PARD6G: variants seen among roughly 807,000 people sequenced by gnomAD.
The protein encoded by PARD6G is partitioning defective 6 homolog gamma.
A neutral mutation model predicts 10.7 loss-of-function variants in PARD6G; 7 were observed. The ratio of observed to expected loss-of-function variants is 0.66; its 90% CI spans 0.37 to 1.23. The LOEUF (loss-of-function observed/expected upper bound fraction) is 1.23, where lower values mean the gene tolerates loss of function less well. Ranked by LOEUF, PARD6G falls within the 50% of genes most tolerant of loss-of-function variation. PARD6G has a pLI of 0.02. For synonymous variants in PARD6G, 287 were observed against 269.4 expected, an observed-to-expected ratio of 1.07 and a Z score of -0.64; for missense variants, 548 against 571.8, an observed-to-expected ratio of 0.96 and a Z score of 0.42.
At chr18:80,236,953 C>G (rs1010991261) in intron 1 of PARD6G, among the ~76,000 whole-genome samples, 2 of 152,200 alleles carry the variant, frequency 1.3e-5, no homozygotes, top group Admixed American at 6.5e-5. Flanking sequence ...CAATGCCATC[C>G]CCATCAAGCT....
chr18:80,164,411 A>G (rs543064370), intron 2 of PARD6G, among the ~76,000 whole-genome samples: 70 of 152,218 alleles, frequency 4.6e-4, no homozygotes, highest in Non-Finnish European at 9.1e-4. Flanking sequence ...TGTGCTCTCC[A>G]TGTGTCTAAA....
chr18:80,221,691 G>C (rs989927574), intron 1 of PARD6G, among the ~76,000 whole-genome samples: 1 of 152,084 alleles, frequency 6.6e-6, no homozygotes, highest in African/African-American at 2.4e-5. Context: ...CTGTACTGTA[G>C]TTTCGACCCA....
intron 1 of PARD6G, among the ~76,000 whole-genome samples, chr18:80,219,480 G>A (rs544326172): frequency 1.3e-5 from 2 of 152,340 alleles, no homozygotes; most frequent in South Asian, 2.1e-4. Flanking sequence ...AAAGTGCTGG[G>A]ATTACAGGCG....
At chr18:80,245,321 C>T (rs1293366657) in intron 1 of PARD6G, among the ~76,000 whole-genome samples, 1 of 152,176 alleles carries the variant, frequency 6.6e-6, no homozygotes, top group Non-Finnish European at 1.5e-5. Context: ...CAAATGAGCA[C>T]AGAAGTGAGT....
In PARD6G at chr18:80,192,349, A is replaced by T. The variant is rs530760064; in HGVS notation, c.295+10361T>A. Among the ~76,000 whole-genome samples the T allele has an allele frequency of 2.0e-3, 301 of 152,358 alleles. No individual in the cohort carries two copies. The highest frequency in any genetic ancestry group is 3.5e-3 in the Non-Finnish European group (240 of 68,044). On this transcript the variant is annotated intron_variant, in intron 2 of 2. Coordinates refer to ENST00000353265, the MANE Select transcript of PARD6G (RefSeq NM_032510.4). This position sits in a 1 kb window ranked among gnomAD's most constrained non-coding sequence, Gnocchi z 4.9. ...TCTTGTTTAGCTGCCACTTGGGAGC[A>T]GATCTGTTTTGGAGCCCTTAGGTGA...
At chr18:80,226,413 C>T (rs372297009) in intron 1 of PARD6G, among the ~76,000 whole-genome samples, 6 of 152,056 alleles carry the variant, frequency 3.9e-5, no homozygotes, top group South Asian at 4.2e-4. Context: ...TCAGGTGATC[C>T]GCCTGCCTTG....
chr18:80,162,718 A>ATGAT (rs2052708825), intron 2 of PARD6G: 1 of 165,862 alleles, frequency 6.0e-6, no homozygotes, highest in South Asian at 2.0e-4. Context: ...TGCACAGGAT[A>ATGAT]TGATAGGAAC....
At position 80,161,074 on chromosome 18, in the gene PARD6G, C is replaced by G. The variant is rs2052697959; in HGVS notation, c.296-468G>C. Among the ~76,000 whole-genome samples the G allele has an allele frequency of 6.6e-6, 1 of 152,186 alleles. No homozygotes were observed. Among genetic ancestry groups the G allele is most frequent in the Admixed American group, 6.5e-5 (1 of 15,280 alleles). The stretch of plus-strand genomic sequence containing the variant: ...GAGACCTTTCCTGCTTTCTTCTTTT[C>G]TATGCGCAAGCCCCACCACAGTGTC... On this transcript the variant is annotated intron_variant, in intron 2 of 2. Transcript: ENST00000353265. This position sits in a 1 kb window ranked among gnomAD's most constrained non-coding sequence, Gnocchi z 4.6.
intron 1 of PARD6G, among the ~76,000 whole-genome samples, chr18:80,244,622 A>G (rs1967523360): frequency 6.6e-6 from 1 of 152,196 alleles, no homozygotes; most frequent in Non-Finnish European, 1.5e-5. Flanking sequence ...GTAAGCAGAA[A>G]AGGTATCATG....
At chr18:80,177,025 G>GCACACA (rs111315126) in intron 2 of PARD6G, among the ~76,000 whole-genome samples, 3,050 of 137,190 alleles carry the variant, frequency 0.022, 34 homozygotes, top group Middle Eastern at 0.038. Context: ...GCGCGCGCGT[G>GCACACA]CACACACACA....
At chr18:80,187,918 T>C (rs959728501) in intron 2 of PARD6G, 6 of 152,226 alleles carry the variant, frequency 3.9e-5, no homozygotes, top group African/African-American at 1.4e-4. Flanking sequence ...CTGTGCTGAA[T>C]ACACTAGGCA....
chr18:80,192,871 C>T lies in PARD6G; in HGVS notation c.295+9839G>A, dbSNP rs369910838. ...CCTCCCCTCACTCCTGTGTGGAGGG[C>T]GGAGGAGAGGTGTCTGCAGGGGAGC... On this transcript the variant is annotated intron_variant, in intron 2 of 2. Transcript: ENST00000353265. The surrounding 1 kb of genome is among the most constrained non-coding windows in gnomAD (Gnocchi z 4.9). Among the ~76,000 whole-genome samples, 15 of 152,142 alleles carry T rather than the reference C, an allele frequency of 9.9e-5. No homozygotes were observed. The East Asian group carries it at 2.3e-3, about 24-fold the overall frequency.
At chr18:80,214,064 C>T (rs1209389978) in intron 1 of PARD6G, among the ~76,000 whole-genome samples, 3 of 151,882 alleles carry the variant, frequency 2.0e-5, no homozygotes, top group Admixed American at 6.6e-5. Context: ...CATGAGGGGG[C>T]CCAGATGTTG....
intron 1 of PARD6G, among the ~76,000 whole-genome samples, chr18:80,233,341 A>G (rs985954611): frequency 6.6e-6 from 1 of 152,106 alleles, no homozygotes; most frequent in African/African-American, 2.4e-5. Context: ...CTCACACAGG[A>G]CCCAGGAGGC....
intron 2 of PARD6G, chr18:80,169,643 T>A (rs2052761402): frequency 6.6e-6 from 1 of 152,288 alleles, no homozygotes; most frequent in Admixed American, 6.5e-5. Context: ...ACCGCTCGCT[T>A]CACTGCTTCC....
Position 80,181,778 on chromosome 18 carries a change from C to T in PARD6G, c.295+20932G>A, listed in dbSNP as rs956197749. On this transcript the variant is annotated intron_variant, in intron 2 of 2. Transcript: ENST00000353265. The surrounding 1 kb of genome is among the most constrained non-coding windows in gnomAD (Gnocchi z 7.9). ...ATGGGCATCGGCTCCCCATTCCTCG[C>T]GTCCTCTCCCCCTGTGCAGAGCATG... Among the ~76,000 whole-genome samples, 6 of 152,090 alleles carry T rather than the reference C, an allele frequency of 3.9e-5. No individual in the cohort carries two copies. The highest frequency in any genetic ancestry group is 2.1e-4 in the South Asian group (1 of 4,824).
rs368952247 is a variant in PARD6G at position 80,170,037 on chromosome 18, C to A, written c.296-9431G>T. The A allele has an allele frequency of 1.4e-4, 21 of 152,380 alleles. No individual in the cohort carries two copies. In the East Asian group the frequency reaches 2.3e-3, roughly 17 times the overall value. The allele number at this position is 152,380 out of a possible 1,614,324, so 9.4% of individuals were successfully genotyped here. A position where few individuals can be genotyped will look rare whatever the true frequency, so the allele number is the denominator to read the frequency against. ...TGAGCACGGCCTATTAGGGCCTCGTCCGGTCCCCGCTTATCCAAGGGTGGT... is the reference window on the plus strand; with the variant it reads ...TGAGCACGGCCTATTAGGGCCTCGTACGGTCCCCGCTTATCCAAGGGTGGT... On this transcript the variant is annotated intron_variant, in intron 2 of 2. Transcript: ENST00000353265.
intron 2 of PARD6G, among the ~76,000 whole-genome samples, chr18:80,172,542 G>T (rs1183611280): frequency 1.3e-5 from 2 of 152,030 alleles, no homozygotes; most frequent in Non-Finnish European, 2.9e-5. Flanking sequence ...GCCCACTACC[G>T]TGCCTGGCTA....
At chr18:80,227,020 A>C (rs539654596) in intron 1 of PARD6G, among the ~76,000 whole-genome samples, 1 of 152,332 alleles carries the variant, frequency 6.6e-6, no homozygotes, top group Admixed American at 6.5e-5. Flanking sequence ...GCTGCAGTGC[A>C]GTGTGGCTCA....
Sources: gnomAD v4.1 joint callset for allele counts (sites outside exome capture counted in the v4.1 genomes callset) on GRCh38, gnomAD v4.1.1 for gene constraint, Gnocchi (gnomAD v3.1) non-coding constraint, MANE v1.5 for transcripts, NCBI Gene and HGNC (gene_info 2026-07-23, HGNC 2026-07-21) for gene names.